MICU2: variants seen among roughly 807,000 people sequenced by gnomAD.
MICU2 encodes the protein mitochondrial calcium uptake 2.
A neutral mutation model predicts 60.4 loss-of-function variants in MICU2; 64 were observed. That is an observed-to-expected ratio of 1.06 (90% CI 0.87 to 1.31). The LOEUF (loss-of-function observed/expected upper bound fraction) is 1.31. Among genes scored for constraint, MICU2 ranks in the 50% most tolerant of loss-of-function variants. The pLI is 0.00. For synonymous variants in MICU2, 201 were observed against 175.0 expected (o/e 1.15, Z -1.17); for missense variants, 569 against 531.0 (o/e 1.07, Z -0.70).
chr13:21,598,991 C>T (rs1888756839), intron 1 of MICU2, among the ~76,000 whole-genome samples: 1 of 152,092 alleles, frequency 6.6e-6, no homozygotes, highest in South Asian at 2.1e-4. Flanking sequence ...CACCTGAGCT[C>T]CACCTCCTGT....
At chr13:21,510,207 G>GCAA (rs949032134) in intron 7 of MICU2, 106 bp from the exon 8 acceptor site, 16 of 483,330 alleles carry the variant, frequency 3.3e-5, no homozygotes, top group Admixed American at 8.9e-5. Context: ...TCTTCTTACA[G>GCAA]CAACAACAAC....
At chr13:21,529,940 TA>T (rs1360635063) in intron 4 of MICU2, among the ~76,000 whole-genome samples, 1 of 152,158 alleles carries the variant, frequency 6.6e-6, no homozygotes. Flanking sequence ...CAGCGTGGGA[TA>T]AAAGTACAGA....
chr13:21,567,190 T>C (rs1036883346), intron 1 of MICU2, among the ~76,000 whole-genome samples: 2 of 152,152 alleles, frequency 1.3e-5, no homozygotes, highest in African/African-American at 4.8e-5. Context: ...ATGTATAAAA[T>C]AATGTAAAAC....
intron 1 of MICU2, among the ~76,000 whole-genome samples, chr13:21,572,284 G>GT (rs1323536466): frequency 2.6e-5 from 4 of 152,152 alleles, no homozygotes; most frequent in African/African-American, 7.2e-5. Context: ...AGCTACAAAC[G>GT]TATCTGTGGC....
chr13:21,506,243 T>A (rs966341441), intron 8 of MICU2, among the ~76,000 whole-genome samples: 3 of 152,174 alleles, frequency 2.0e-5, no homozygotes, highest in African/African-American at 7.2e-5. Flanking sequence ...GTCGAAGTCC[T>A]GGACTCTAGC....
At chr13:21,535,155 TTTTTA>T (rs1887102546) in intron 4 of MICU2, among the ~76,000 whole-genome samples, 1 of 152,200 alleles carries the variant, frequency 6.6e-6, no homozygotes, top group African/African-American at 2.4e-5. Flanking sequence ...CTCTCTTCAG[TTTTTA>T]TTTTACTCAT....
At chr13:21,573,877 T>C (rs1457617514) in intron 1 of MICU2, among the ~76,000 whole-genome samples, 2 of 152,124 alleles carry the variant, frequency 1.3e-5, no homozygotes, top group African/African-American at 2.4e-5. Context: ...ACCTGCAAAA[T>C]TGGAGAGAAT....
intron 1 of MICU2, among the ~76,000 whole-genome samples, chr13:21,586,361 G>GA: frequency 6.6e-6 from 1 of 152,162 alleles, no homozygotes; most frequent in South Asian, 2.1e-4. Context: ...TGTTGCAACA[G>GA]AAAAAATATC....
At chr13:21,518,296 AAAC>A (rs770040500) in intron 6 of MICU2, among the ~76,000 whole-genome samples, 8 of 152,222 alleles carry the variant, frequency 5.3e-5, no homozygotes, top group African/African-American at 9.6e-5. Flanking sequence ...AGCTCTGTGA[AAAC>A]AACAACAACG....
intron 9 of MICU2, among the ~76,000 whole-genome samples, chr13:21,498,410 GCT>G (rs1886057427): frequency 8.8e-6 from 1 of 113,182 alleles, no homozygotes; most frequent in African/African-American, 3.4e-5. Flanking sequence ...AGACAGTCTC[GCT>G]CTGTCACCCA....
At chr13:21,503,374 T>TA (rs1351888534) in intron 8 of MICU2, among the ~76,000 whole-genome samples, 5 of 152,092 alleles carry the variant, frequency 3.3e-5, no homozygotes, top group African/African-American at 1.2e-4. Flanking sequence ...CCTAAAGACT[T>TA]AAAAAAATAT....
intron 7 of MICU2, 116 bp downstream of exon 7, chr13:21,514,237 A>T: frequency 2.5e-6 from 2 of 795,086 alleles, no homozygotes; most frequent in Non-Finnish European, 4.1e-6. Flanking sequence ...GCATGACTGT[A>T]TTAAAAAAAT....
At chr13:21,530,905 A>G in intron 4 of MICU2, 1 of 757,656 alleles carries the variant, frequency 1.3e-6, no homozygotes, top group Non-Finnish European at 2.4e-6. Flanking sequence ...ATGGGCTGAT[A>G]TAGATCTAGT....
At chr13:21,592,620 C>T (rs1270129824) in intron 1 of MICU2, among the ~76,000 whole-genome samples, 1 of 152,244 alleles carries the variant, frequency 6.6e-6, no homozygotes, top group Non-Finnish European at 1.5e-5. Flanking sequence ...CAATAAAACA[C>T]TGGCAAACCC....
At chr13:21,595,587 C>A (rs1220313655) in intron 1 of MICU2, among the ~76,000 whole-genome samples, 1 of 152,264 alleles carries the variant, frequency 6.6e-6, no homozygotes, top group East Asian at 1.9e-4. Context: ...GGCACCACCT[C>A]TGTGGTAGCT....
rs148771798 is a variant in MICU2 at position 21,593,043 on chromosome 13, A to C, written c.210+10896T>G. Among the ~76,000 whole-genome samples, 192 of 152,320 alleles carry C rather than the reference A, an allele frequency of 1.3e-3. 1 individual carries two copies. The highest frequency in any genetic ancestry group is 4.3e-3 in the African/African-American group (180 of 41,562). On this transcript the variant is annotated intron_variant, in intron 1 of 11. Transcript: ENST00000382374. Reference sequence around the variant, plus strand: ...GCAATCAGGCAAGAGAAAGAAATAAAGGGTATTCGAATAGGAAGACAGGAA... The same window carrying C: ...GCAATCAGGCAAGAGAAAGAAATAACGGGTATTCGAATAGGAAGACAGGAA...
At chr13:21,591,787 G>T (rs1410587689) in intron 1 of MICU2, among the ~76,000 whole-genome samples, 1 of 152,114 alleles carries the variant, frequency 6.6e-6, no homozygotes, top group East Asian at 1.9e-4. Context: ...GGTAAATAAA[G>T]AAATTAAGGG....
chr13:21,544,163 A>T (rs11840168), intron 2 of MICU2, among the ~76,000 whole-genome samples: 1 of 151,942 alleles, frequency 6.6e-6, no homozygotes, highest in East Asian at 1.9e-4. Context: ...AAATCAACTC[A>T]AAATGGATCA....
chr13:21,514,238 T>C (rs1046169759), intron 7 of MICU2, 115 bp downstream of exon 7: 1 of 804,658 alleles, frequency 1.2e-6, no homozygotes, highest in South Asian at 1.7e-5. Flanking sequence ...CATGACTGTA[T>C]TAAAAAAATT....
Sources: gnomAD v4.1 joint callset for allele counts (sites outside exome capture counted in the v4.1 genomes callset) on GRCh38, gnomAD v4.1.1 for gene constraint, MANE v1.5 for transcripts, NCBI Gene and HGNC (gene_info 2026-07-23, HGNC 2026-07-21) for gene names.